The following CDH12 variants were observed in gnomAD, a reference collection of about 807,000 sequenced individuals.
CDH12 encodes cadherin 12.
Under a neutral mutation model 74.1 loss-of-function variants are expected in CDH12, and 41 were observed. The ratio of observed to expected loss-of-function variants is 0.55; its 90% CI spans 0.43 to 0.72. CDH12 has a LOEUF of 0.72. Among genes scored for constraint, CDH12 ranks in the 30% least tolerant of loss-of-function variants. The pLI is 0.00. For synonymous variants in CDH12, 399 were observed against 355.0 expected (o/e 1.12, Z -1.39); for missense variants, 945 against 977.2 (o/e 0.97, Z 0.44).
chr5:22,158,470 T>A (rs6452061), intron 4 of CDH12, among the ~76,000 whole-genome samples: 1 of 151,982 alleles, frequency 6.6e-6, no homozygotes, highest in Non-Finnish European at 1.5e-5. Context: ...TACAACACAG[T>A]TCCATTTTAT....
intron 6 of CDH12, among the ~76,000 whole-genome samples, chr5:21,857,359 T>C (rs1750808820): frequency 6.6e-6 from 1 of 151,836 alleles, no homozygotes; most frequent in Non-Finnish European, 1.5e-5. Context: ...TAAATGGTTA[T>C]ATCTGCAGAG....
chr5:22,308,956 G>GGA lies in CDH12; in HGVS notation c.-333+96299_-333+96300dup, dbSNP rs543803749. On this transcript the variant is annotated intron_variant, in intron 3 of 14. Transcript: ENST00000382254. The stretch of plus-strand genomic sequence containing the variant: ...GAAAGAGAGAGAGAGAGGAGAGAGA[G>GGA]GAGAGAGAGAGAGAGAGAAAGCGAG... Among the ~76,000 whole-genome samples the GGA allele has an allele frequency of 4.4e-3, 355 of 81,594 alleles. 3 individuals are homozygous for GGA. The highest frequency in any genetic ancestry group is 6.0e-3 in the Non-Finnish European group (215 of 35,574). The allele number at this position is 81,594 out of a possible 152,430, so 53.5% of individuals were successfully genotyped here. A position where few individuals can be genotyped will look rare whatever the true frequency, so the allele number is the denominator to read the frequency against.
intron 1 of CDH12, among the ~76,000 whole-genome samples, chr5:22,659,709 A>G (rs1035255859): frequency 6.6e-6 from 1 of 152,092 alleles, no homozygotes; most frequent in African/African-American, 2.4e-5. Flanking sequence ...ACACATATAC[A>G]TATATAGGTA....
rs188736503 is a variant in CDH12 at position 22,037,724 on chromosome 5, G to A, written c.231+40722C>T. On this transcript the variant is annotated intron_variant, in intron 5 of 14. Coordinates refer to ENST00000382254, the MANE Select transcript of CDH12 (RefSeq NM_004061.5). ...ATGTCAGCAAGATGGCAGATTAGAA[G>A]CACTCAGTGTTCATCCTGACCCAAA... Among the ~76,000 whole-genome samples, 9 of 152,280 alleles carry A rather than the reference G, an allele frequency of 5.9e-5. No homozygotes were observed. In the East Asian group the frequency reaches 1.4e-3, roughly 23 times the overall value.
chr5:22,327,428 C>CTG (rs71609761), intron 3 of CDH12, among the ~76,000 whole-genome samples: 5,911 of 103,200 alleles, frequency 0.057, 123 homozygotes, highest in Middle Eastern at 0.1. Flanking sequence ...ATTTGTGCCT[C>CTG]TGTGTGTGTG....
At chr5:22,100,050 T>A (rs1293290767) in intron 4 of CDH12, among the ~76,000 whole-genome samples, 1 of 152,092 alleles carries the variant, frequency 6.6e-6, no homozygotes, top group Non-Finnish European at 1.5e-5. Context: ...TCGCCCATTA[T>A]CTCTCCATAC....
In CDH12 at chr5:21,992,637, T is replaced by TA. The variant is rs4028694; in HGVS notation, c.232-17253dup. Among the ~76,000 whole-genome samples, 295 of 151,644 alleles carry TA rather than the reference T, an allele frequency of 1.9e-3. 5 individuals are homozygous for TA. Among genetic ancestry groups the TA allele is most frequent in the Middle Eastern group, 3.4e-3 (1 of 294 alleles). ...CATAGAGGTGCATTATTTCCGAGAT[T>TA]AAAAAAAAATTAGTTTTCTTACTGA... On this transcript the variant is annotated intron_variant, in intron 5 of 14. Transcript: ENST00000382254.
intron 6 of CDH12, chr5:21,889,905 C>G: frequency 2.1e-6 from 2 of 939,578 alleles, no homozygotes; most frequent in South Asian, 9.8e-5. Context: ...CCCACACTGG[C>G]AATGTTTGAC....
intron 1 of CDH12, among the ~76,000 whole-genome samples, chr5:22,540,264 T>A (rs1323203453): frequency 6.6e-6 from 1 of 152,086 alleles, no homozygotes; most frequent in Admixed American, 6.6e-5. Context: ...ATGAGTTTGT[T>A]GATTCTATAT....
chr5:21,912,739 C>G (rs1753912900), intron 6 of CDH12, among the ~76,000 whole-genome samples: 1 of 152,118 alleles, frequency 6.6e-6, no homozygotes, highest in Non-Finnish European at 1.5e-5. Context: ...CAAGGTAGGT[C>G]AGGTAATTTC....
At chr5:22,487,363 G>A (rs963446984) in intron 2 of CDH12, among the ~76,000 whole-genome samples, 1 of 152,074 alleles carries the variant, frequency 6.6e-6, no homozygotes, top group African/African-American at 2.4e-5. Flanking sequence ...AGAGTATATA[G>A]TGGACAACAA....
At chr5:22,742,570 T>G (rs1029999960) in intron 1 of CDH12, among the ~76,000 whole-genome samples, 1 of 152,116 alleles carries the variant, frequency 6.6e-6, no homozygotes, top group Non-Finnish European at 1.5e-5. Context: ...CAAAACTTTC[T>G]CCACCAGGAG....
At chr5:22,054,220 A>G (rs55803546) in intron 5 of CDH12, among the ~76,000 whole-genome samples, 35,847 of 151,864 alleles carry the variant, frequency 0.24, 4,363 homozygotes, top group South Asian at 0.33. Context: ...GAAACACCAT[A>G]TTCACTTCAT....
chr5:22,040,247 T>C (rs551072069), intron 5 of CDH12, among the ~76,000 whole-genome samples: 9 of 152,118 alleles, frequency 5.9e-5, no homozygotes, highest in African/African-American at 1.9e-4. Flanking sequence ...ATATAGGTCA[T>C]TTGAAATTAC....
chr5:22,343,325 G>GACACACAC (rs1468112453), intron 3 of CDH12, among the ~76,000 whole-genome samples: 26,754 of 100,110 alleles, frequency 0.27, 3,066 homozygotes, highest in South Asian at 0.31. Flanking sequence ...CACACACACA[G>GACACACAC]AGAGAGAGAG....
At chr5:21,882,961 C>G (rs1488439890) in intron 6 of CDH12, 2 of 1,597,974 alleles carry the variant, frequency 1.3e-6, no homozygotes, top group Non-Finnish European at 1.7e-6. Flanking sequence ...GGCTCTATAG[C>G]CAAGGAAGGC....
rs1317115557 is a variant in CDH12, at chr5:22,666,280, A to C, written c.-522-160916T>G. Among the ~76,000 whole-genome samples the C allele has an allele frequency of 3.5e-5, 4 of 115,084 alleles. No homozygotes were observed. In the Admixed American group the frequency reaches 4.3e-4, roughly 12 times the overall value. 75.5% of individuals were successfully genotyped at this position (115,084 alleles called of 152,430 possible). A position where few individuals can be genotyped will look rare whatever the true frequency, so the allele number is the denominator to read the frequency against. ...GATTATGGGATTTCTGTATCTCTCT[A>C]TCTTTTTTTTTTTTTTTTTTTGTTT... On this transcript the variant is annotated intron_variant, in intron 1 of 14. Transcript: ENST00000382254.
chr5:21,787,599 C>T (rs553097011), intron 10 of CDH12, among the ~76,000 whole-genome samples: 1 of 152,186 alleles, frequency 6.6e-6, no homozygotes, highest in East Asian at 1.9e-4. Context: ...GGAACCAAAC[C>T]TGCAATATAT....
intron 4 of CDH12, among the ~76,000 whole-genome samples, chr5:22,169,899 A>C (rs562757304): frequency 5.5e-4 from 83 of 152,052 alleles, no homozygotes; most frequent in African/African-American, 1.9e-3. Context: ...GTGTACTGAA[A>C]ATATAGGTTC....
Sources: gnomAD v4.1 joint callset for allele counts (sites outside exome capture counted in the v4.1 genomes callset) on GRCh38, gnomAD v4.1.1 for gene constraint, MANE v1.5 for transcripts, NCBI Gene and HGNC (gene_info 2026-07-23, HGNC 2026-07-21) for gene names.